NPHS1: variants seen among roughly 807,000 people sequenced by gnomAD.
NPHS1 encodes NPHS1 adhesion molecule, nephrin, also known as nephrin.
Under a neutral mutation model 139.7 loss-of-function variants are expected in NPHS1, and 107 were observed. That is an observed-to-expected ratio of 0.77 (90% CI 0.66 to 0.90). The LOEUF is 0.90. NPHS1 is among the 40% of genes least tolerant of loss of function. The pLI, the probability that NPHS1 is intolerant of heterozygous loss-of-function variation, is 0.00. For synonymous variants in NPHS1, 707 were observed against 706.6 expected (o/e 1.00, Z -0.01); for missense variants, 1,580 against 1,654.2 (o/e 0.96, Z 0.78).
intron 22 of NPHS1, among the ~76,000 whole-genome samples, chr19:35,836,296 C>T (rs1312062810): frequency 1.3e-5 from 2 of 149,008 alleles, no homozygotes; most frequent in Non-Finnish European, 3.0e-5. Flanking sequence ...CTCACTCTGT[C>T]GCTCAGGCTG....
intron 16 of NPHS1, 32 bp from the exon 17 acceptor site, chr19:35,843,625 T>C (rs763871482): frequency 3.1e-6 from 5 of 1,612,390 alleles, no homozygotes; most frequent in South Asian, 2.2e-5. Context: ...GGGAAGACAC[T>C]TGGGCCCAGA....
At chr19:35,829,758 C>T (rs1016320777) in intron 28 of NPHS1, among the ~76,000 whole-genome samples, 8 of 152,020 alleles carry the variant, frequency 5.3e-5, no homozygotes, top group Non-Finnish European at 7.4e-5. Flanking sequence ...AGGCTGGTCT[C>T]GAACTCTTGA....
chr19:35,832,494 T>A (rs961373046), intron 23 of NPHS1, among the ~76,000 whole-genome samples: 2 of 151,988 alleles, frequency 1.3e-5, no homozygotes, highest in Non-Finnish European at 2.9e-5. Context: ...CAGTGAGCTA[T>A]GATAGCACCA....
intron 17 of NPHS1, 147 bp downstream of exon 17, chr19:35,843,325 C>T (rs1292915423): frequency 9.6e-7 from 1 of 1,045,230 alleles, no homozygotes; most frequent in African/African-American, 1.6e-5. Context: ...TTGCCACCAA[C>T]AGTTATTCAT....
At chr19:35,837,002 AAAAAAAAAG>A (rs1255450547) in intron 22 of NPHS1, among the ~76,000 whole-genome samples, 7 of 144,876 alleles carry the variant, frequency 4.8e-5, no homozygotes. Context: ...TTGCAAAAAA[AAAAAAAAAG>A]AAAGAAAAGA....
Position 35,839,342 on chromosome 19 carries a change from C to T in NPHS1, c.3004G>A (p.Gly1002Ser). Residue 1002 changes from glycine (G) to serine (S), a missense_variant, in exon 22 of 29, where the codon GGT becomes AGT. Transcript: ENST00000378910. ...CTGTATCTTGTAGAAGGCTGTAGAC[C>T]AGTCAGCGTGAAGGTGGTGGCCTGG... ...PPQATTFTLT[G>S]LQPSTRYRVW... is the part of the protein sequence containing the mutation. The T allele has an allele frequency of 6.2e-7, 1 of 1,614,196 alleles. No homozygotes were observed. The highest frequency in any genetic ancestry group is 8.5e-7 in the Non-Finnish European group (1 of 1,180,030).
At chr19:35,835,322 T>C (rs1422500424) in intron 23 of NPHS1, among the ~76,000 whole-genome samples, 1 of 112,238 alleles carries the variant, frequency 8.9e-6, no homozygotes, top group African/African-American at 3.5e-5. Flanking sequence ...TTTTTTGAGA[T>C]AGGGTCTCCC....
rs771770193 is a variant in NPHS1 at position 35,844,236 on chromosome 19, G to A, written c.2079C>T (p.Gly693=). Residue 693 remains glycine (G), a synonymous_variant, in exon 16 of 29, where the codon GGC becomes GGT. Transcript: ENST00000378910. ...FRGYRLSPAG[G]PRHRILSSGA... is the part of the protein sequence containing the mutation. The stretch of plus-strand genomic sequence containing the variant: ...CGCTGGACAGGATGCGATGCCGGGG[G>A]CCGCCCGCTGGGGAAGGCCAGAATA... The A allele has an allele frequency of 6.2e-7, 1 of 1,613,254 alleles. No homozygotes were observed. The highest frequency in any genetic ancestry group is 8.5e-7 in the Non-Finnish European group (1 of 1,179,904).
chr19:35,850,556 C>T, intron 4 of NPHS1, 111 bp from the exon 5 acceptor site: 1 of 933,102 alleles, frequency 1.1e-6, no homozygotes, highest in Non-Finnish European at 1.7e-6. Context: ...CCTCCTCGTT[C>T]TAGAGGAAAA....
chr19:35,852,463 CAG>C lies in NPHS1; in HGVS notation c.-628_-627del, dbSNP rs766879626. Among the ~76,000 whole-genome samples the C allele has an allele frequency of 6.6e-6, 1 of 152,198 alleles. No homozygotes were observed. Among genetic ancestry groups the C allele is most frequent in the African/African-American group, 2.4e-5 (1 of 41,470 alleles). On this transcript the variant is annotated 5_prime_UTR_variant, in exon 1 of 29. Coordinates refer to ENST00000378910, the MANE Select transcript of NPHS1 (RefSeq NM_004646.4). ...GCGATGAGGCTGATGCAGGCACTGG[CAG>C]AGTCAGCCCTGCTCTCTGACCCAGC...
intron 9 of NPHS1, 89 bp from the exon 10 acceptor site, chr19:35,848,486 A>T: frequency 5.6e-6 from 9 of 1,598,332 alleles, no homozygotes; most frequent in Non-Finnish European, 7.7e-6. Context: ...CCCAGCAGGG[A>T]CACAGGAGAC....
intron 22 of NPHS1, among the ~76,000 whole-genome samples, chr19:35,837,078 A>G (rs1357496076): frequency 7.1e-6 from 1 of 139,888 alleles, no homozygotes; most frequent in Admixed American, 7.1e-5. Flanking sequence ...AAGAAAAATA[A>G]ACTGAGCCAC....
At chr19:35,835,631 G>A in intron 23 of NPHS1, 74 bp downstream of exon 23, 2 of 1,308,992 alleles carry the variant, frequency 1.5e-6, no homozygotes, top group South Asian at 2.4e-5. Context: ...ACTACAAGCA[G>A]AGGAGGTAGG....
chr19:35,851,636 C>CG lies in NPHS1; in HGVS notation c.94dup (p.Arg32ProfsTer8). 6.2e-7 allele frequency: 1 copy of CG among 1,613,804 alleles called. No individual in the cohort carries two copies. The highest frequency in any genetic ancestry group is 1.1e-5 in the South Asian group (1 of 91,024). ...GTTTTCAGGCAGGGCCCAGAAGCCC[C>CG]GGGGAACGGAGGCAGGAATCGCCAA... On this transcript the variant is annotated frameshift_variant, in exon 2 of 29. Coordinates refer to ENST00000378910, the MANE Select transcript of NPHS1 (RefSeq NM_004646.4). LOFTEE classifies it high-confidence loss of function.
At chr19:35,839,995 CTTTCTTTTTTTTTT>C (rs1297830236) in intron 20 of NPHS1, among the ~76,000 whole-genome samples, 1 of 150,658 alleles carries the variant, frequency 6.6e-6, no homozygotes, top group East Asian at 1.9e-4. Context: ...GGTTAAGTTT[CTTTCTTTTTTTTTT>C]TTTCTTTTTT....
rs1274635722 is a variant in NPHS1 at position 35,831,706 on chromosome 19, G to A, written c.3223C>T (p.Leu1075Phe). The A allele has an allele frequency of 1.9e-6, 3 of 1,600,222 alleles. No homozygotes were observed. The highest frequency in any genetic ancestry group is 2.6e-6 in the Non-Finnish European group (3 of 1,173,904). ...CCCCCGACACAGGAGGCATTGGAGA[G>A]GAGCAGAAGCCCCCCAAGAGCGAAC... ...VLFALGGLLL[L>F]SNASCVGGVL... The change falls in exon 24 of 29, where the codon CTC (leucine) becomes TTC (phenylalanine). Residue 1075 changes from leucine to phenylalanine, a missense_variant. Leu to Phe is a conservative substitution (Grantham distance 22). Coordinates refer to ENST00000378910, the MANE Select transcript of NPHS1 (RefSeq NM_004646.4).
At chr19:35,847,973 A>T in intron 11 of NPHS1, 68 bp downstream of exon 11, 2 of 1,528,706 alleles carry the variant, frequency 1.3e-6, no homozygotes, top group South Asian at 2.3e-5. Context: ...AAGATTCTGA[A>T]GGAGAGAAGG....
intron 20 of NPHS1, among the ~76,000 whole-genome samples, chr19:35,840,496 G>C (rs561042581): frequency 6.7e-6 from 1 of 149,238 alleles, no homozygotes; most frequent in Admixed American, 6.7e-5. Flanking sequence ...CACCATGCCC[G>C]GCTAATTTTC....
At chr19:35,844,558 C>A in intron 14 of NPHS1, 99 bp from the exon 15 acceptor site, 1 of 1,298,598 alleles carries the variant, frequency 7.7e-7, no homozygotes. Context: ...AAGTTGGGGT[C>A]ACGACGGGGT....
Sources: gnomAD v4.1 joint callset for allele counts (sites outside exome capture counted in the v4.1 genomes callset) on GRCh38, gnomAD v4.1.1 for gene constraint, MANE v1.5 for transcripts, NCBI Gene and HGNC (gene_info 2026-07-23, HGNC 2026-07-21) for gene names.